The following ADGRL3 variants were observed in gnomAD, a reference collection of about 807,000 sequenced individuals.
ADGRL3 encodes calcium-independent alpha-latrotoxin receptor 3.
ADGRL3 carries 62 observed loss-of-function variants against 153.5 expected under a neutral mutation model. That is an observed-to-expected ratio of 0.40 (90% CI 0.33 to 0.50). The LOEUF is 0.50. ADGRL3 is among the 20% of genes least tolerant of loss of function. The pLI is 0.47. For missense variants in ADGRL3, 1,641 were observed against 1,859.4 expected (o/e 0.88, Z 2.16); for synonymous variants, 710 against 672.5 (o/e 1.06, Z -0.86).
rs568794809 is a variant in ADGRL3 at position 61,757,461 on chromosome 4, G to A, written c.1399+23907G>A. On this transcript the variant is annotated intron_variant, in intron 8 of 26. Transcript: ENST00000683033. The stretch of plus-strand genomic sequence containing the variant: ...AGTTTGTATTTCTGTGGGATCGGCA[G>A]TGATATCCCCTTTATCATTTTTTTA... 9.2e-5 allele frequency among the ~76,000 whole-genome samples: 14 copies of A among 152,286 alleles called. No individual in the cohort carries two copies. The South Asian group carries it at 2.9e-3, about 32-fold the overall frequency.
chr4:61,980,863 C>T (rs766726165), intron 18 of ADGRL3, among the ~76,000 whole-genome samples: 2 of 152,124 alleles, frequency 1.3e-5, no homozygotes, highest in Non-Finnish European at 2.9e-5. Flanking sequence ...TTTATCTACT[C>T]ACCTACTGAA....
intron 2 of ADGRL3, among the ~76,000 whole-genome samples, chr4:61,473,801 A>T (rs1560694305): frequency 6.6e-6 from 1 of 152,092 alleles, no homozygotes; most frequent in Non-Finnish European, 1.5e-5. Flanking sequence ...GGTTTGTTTT[A>T]GCACAATTTA....
At chr4:61,419,011 CATT>C (rs141922042) in intron 2 of ADGRL3, among the ~76,000 whole-genome samples, 5,019 of 150,782 alleles carry the variant, frequency 0.033, 222 homozygotes, top group South Asian at 0.094. Context: ...GTTTCAATGA[CATT>C]GTAATTCTCA....
intron 2 of ADGRL3, among the ~76,000 whole-genome samples, chr4:61,474,258 G>A (rs1022810113): frequency 5.3e-5 from 8 of 152,098 alleles, no homozygotes; most frequent in Admixed American, 4.6e-4. Context: ...CCTTTTATGC[G>A]AATAACTTCT....
intron 9 of ADGRL3, among the ~76,000 whole-genome samples, chr4:61,846,862 G>C (rs1350926445): frequency 6.6e-6 from 1 of 151,520 alleles, no homozygotes; most frequent in East Asian, 1.9e-4. Flanking sequence ...AGAAGGAGAG[G>C]TGCCACATGC....
chr4:61,826,699 G>C (rs1386961611), intron 9 of ADGRL3, among the ~76,000 whole-genome samples: 1 of 151,992 alleles, frequency 6.6e-6, no homozygotes, highest in African/African-American at 2.4e-5. Flanking sequence ...GTAGCTACAC[G>C]GTGGAGAATG....
intron 9 of ADGRL3, among the ~76,000 whole-genome samples, chr4:61,877,018 G>A (rs1581257502): frequency 6.6e-6 from 1 of 152,224 alleles, no homozygotes; most frequent in East Asian, 1.9e-4. Context: ...AAGAGCAAAG[G>A]TGAGGAGCTC....
chr4:62,071,792 A>C lies in ADGRL3; in HGVS notation c.*884A>C. The C allele has an allele frequency of 2.5e-6, 1 of 403,428 alleles. No homozygotes were observed. The highest frequency in any genetic ancestry group is 4.8e-6 in the Non-Finnish European group (1 of 210,310). The allele number at this position is 403,428 out of a possible 1,614,324, so 25.0% of individuals were successfully genotyped here. On this transcript the variant is annotated 3_prime_UTR_variant, in exon 27 of 27. Transcript: ENST00000683033. Reference sequence around the variant, plus strand: ...TTTAAAATTTCGCCTGGCAAAAAATAAATAAATGGAACTATCACTTTATAA... The same window carrying C: ...TTTAAAATTTCGCCTGGCAAAAAATCAATAAATGGAACTATCACTTTATAA...
chr4:62,024,633 T>C (rs57825275), intron 21 of ADGRL3, among the ~76,000 whole-genome samples: 1,730 of 152,206 alleles, frequency 0.011, 37 homozygotes, highest in African/African-American at 0.04. Flanking sequence ...ACCATTGAAT[T>C]AAATTCTGAA....
At chr4:61,915,044 A>G (rs559211451) in intron 13 of ADGRL3, among the ~76,000 whole-genome samples, 11 of 152,098 alleles carry the variant, frequency 7.2e-5, no homozygotes, top group Non-Finnish European at 1.0e-4. Context: ...AGCCATTAGA[A>G]TAAGGCTAAT....
At chr4:61,571,307 T>A (rs1294618150) in intron 4 of ADGRL3, among the ~76,000 whole-genome samples, 1 of 137,362 alleles carries the variant, frequency 7.3e-6, no homozygotes, top group Non-Finnish European at 1.5e-5. Context: ...AGACCCTGTC[T>A]CAACAAAATA....
At chr4:61,526,585 C>T (rs1188305572) in intron 4 of ADGRL3, among the ~76,000 whole-genome samples, 2 of 151,742 alleles carry the variant, frequency 1.3e-5, no homozygotes, top group African/African-American at 4.8e-5. Flanking sequence ...TGAAACCAGC[C>T]TAGGTAACAT....
chr4:61,954,706 T>C lies in ADGRL3; in HGVS notation c.2805+6430T>C, dbSNP rs540747423. Among the ~76,000 whole-genome samples the C allele has an allele frequency of 1.3e-4, 20 of 152,182 alleles. 1 individual carries two copies. In the South Asian group the frequency reaches 4.1e-3, roughly 32 times the overall value. On this transcript the variant is annotated intron_variant, in intron 17 of 26. Transcript: ENST00000683033. ...TGTCCTAGTTAGACCTAAGTGTCTT[T>C]CTCTTCTCAACACTCCCCATCCCAC...
At chr4:61,720,799 G>A (rs1004642946) in intron 6 of ADGRL3, among the ~76,000 whole-genome samples, 1 of 152,174 alleles carries the variant, frequency 6.6e-6, no homozygotes, top group African/African-American at 2.4e-5. Context: ...AATAAGGAAG[G>A]CAGTTAATAA....
chr4:62,012,366 T>C (rs1204034745), intron 21 of ADGRL3, among the ~76,000 whole-genome samples: 1 of 152,196 alleles, frequency 6.6e-6, no homozygotes, highest in Non-Finnish European at 1.5e-5. Flanking sequence ...TGCAAAATAA[T>C]AAGAATAGTT....
intron 4 of ADGRL3, among the ~76,000 whole-genome samples, chr4:61,570,057 T>G (rs1444525594): frequency 2.0e-5 from 3 of 152,188 alleles, no homozygotes; most frequent in Non-Finnish European, 1.5e-5. Flanking sequence ...TTGCACAAGT[T>G]TTGTTGGCAA....
chr4:62,035,911 G>A (rs184777852), intron 23 of ADGRL3, among the ~76,000 whole-genome samples: 83 of 152,024 alleles, frequency 5.5e-4, no homozygotes, highest in African/African-American at 2.0e-3. Flanking sequence ...GAGTCATTTT[G>A]AGGGACATAC....
intron 1 of ADGRL3, among the ~76,000 whole-genome samples, chr4:61,228,586 CA>C (rs1749039994): frequency 6.6e-6 from 1 of 152,168 alleles, no homozygotes; most frequent in East Asian, 1.9e-4. Context: ...TTAAGAAGAG[CA>C]AACCATGACA....
chr4:61,502,144 A>G lies in ADGRL3; in HGVS notation c.55+4796A>G, dbSNP rs1034790739. 2.0e-5 allele frequency among the ~76,000 whole-genome samples: 3 copies of G among 152,162 alleles called. No individual in the cohort carries two copies. In the South Asian group the frequency reaches 6.2e-4, roughly 32 times the overall value. On this transcript the variant is annotated intron_variant, in intron 3 of 26. Transcript: ENST00000683033. ...ATAAGGAAATTGGAGAGCAAAACCC[A>G]GTAATAACGTAGGTACCTGGGGCTC... is the stretch of plus-strand genomic sequence containing the variant.
Sources: gnomAD v4.1 joint callset for allele counts (sites outside exome capture counted in the v4.1 genomes callset) on GRCh38, gnomAD v4.1.1 for gene constraint, MANE v1.5 for transcripts, NCBI Gene and HGNC (gene_info 2026-07-23, HGNC 2026-07-21) for gene names.